Variants in ASH1L observed in about 807,000 individuals in gnomAD.
ASH1L encodes the protein ASH1 like histone lysine methyltransferase.
A neutral mutation model predicts 269.0 loss-of-function variants in ASH1L; 23 were observed. The observed-to-expected ratio is 0.09, with a 90% CI of 0.06 to 0.12. The LOEUF is 0.12. Ranked by LOEUF, ASH1L falls within the 10% of genes least tolerant of loss-of-function variation. The probability of loss-of-function intolerance (pLI) is 1.00; values close to 1 mark genes in which losing one functional copy is unlikely to be tolerated. For missense variants in ASH1L, 2,912 were observed against 3,567.8 expected (o/e 0.82, Z 4.68); for synonymous variants, 1,187 against 1,253.5 (o/e 0.95, Z 1.12).
rs1283401743 is a variant in ASH1L, at chr1:155,479,224, T to C, written c.3646A>G (p.Lys1216Glu). Residue 1216 changes from lysine (K) to glutamate (E), a missense_variant, in exon 3 of 28, where the codon AAA becomes GAA. Physicochemically the swap from Lys to Glu is moderately conservative, Grantham distance 56 (BLOSUM62 1). Around this residue, in one of 13 missense-constraint regions of ASH1L, gnomAD observed 789 missense variants for 897.6 expected, o/e 0.88. Coordinates refer to ENST00000392403, the MANE Select transcript of ASH1L (RefSeq NM_018489.3). ...DNNSTSDRAE[K>E]FCGQKKRRHS... ...CTCCTCTTTTTTTGCCCACAAAATT[T>C]CTCTGCCCTGTCTGATGTGCTGTTA... 6.2e-7 allele frequency: 1 copy of C among 1,614,132 alleles called. No homozygotes were observed. The highest frequency in any genetic ancestry group is 8.5e-7 in the Non-Finnish European group (1 of 1,180,012).
intron 1 of ASH1L, among the ~76,000 whole-genome samples, chr1:155,547,467 G>A (rs1411326030): frequency 6.6e-6 from 1 of 151,772 alleles, no homozygotes; most frequent in Non-Finnish European, 1.5e-5. Flanking sequence ...AGATCGGCTC[G>A]GTGAGGTGCA....
At chr1:155,477,830 T>G in intron 3 of ASH1L, 56 bp downstream of exon 3, 1 of 1,489,760 alleles carries the variant, frequency 6.7e-7, no homozygotes, top group Non-Finnish European at 8.9e-7. Flanking sequence ...ATCAGGCACC[T>G]GTGGAAAATA....
chr1:155,528,547 G>A (rs1173786278), intron 1 of ASH1L, among the ~76,000 whole-genome samples: 1 of 152,024 alleles, frequency 6.6e-6, no homozygotes, highest in Admixed American at 6.6e-5. Context: ...GAAGACCCAG[G>A]AAGACCCAAT....
At chr1:155,485,937 A>G (rs1290955913) in intron 2 of ASH1L, among the ~76,000 whole-genome samples, 1 of 151,952 alleles carries the variant, frequency 6.6e-6, no homozygotes, top group African/African-American at 2.4e-5. Context: ...TAAATTTCCC[A>G]TAATGAAATG....
At chr1:155,444,911 C>A (rs1186583762) in intron 4 of ASH1L, among the ~76,000 whole-genome samples, 2 of 137,874 alleles carry the variant, frequency 1.5e-5, no homozygotes, top group Non-Finnish European at 2.9e-5. Context: ...GCCACCGCGC[C>A]CGGCCAAGTC....
chr1:155,406,743 G>A (rs1212977241), intron 6 of ASH1L, among the ~76,000 whole-genome samples: 1 of 152,038 alleles, frequency 6.6e-6, no homozygotes, highest in African/African-American at 2.4e-5. Flanking sequence ...TCAACACAGT[G>A]TTTGAACAGT....
intron 5 of ASH1L, chr1:155,433,721 C>T (rs772439895): frequency 1.2e-6 from 2 of 1,601,138 alleles, no homozygotes; most frequent in South Asian, 1.1e-5. Context: ...GGTGTTCAGC[C>T]AAACGACCAT....
At chr1:155,365,538 A>G (rs1655341220) in intron 12 of ASH1L, among the ~76,000 whole-genome samples, 1 of 152,066 alleles carries the variant, frequency 6.6e-6, no homozygotes, top group Non-Finnish European at 1.5e-5. Context: ...ACAGTTCTTA[A>G]CAATTGAGTA....
chr1:155,354,145 T>A (rs1266681825), intron 16 of ASH1L, among the ~76,000 whole-genome samples: 2 of 152,170 alleles, frequency 1.3e-5, no homozygotes, highest in Non-Finnish European at 2.9e-5. Flanking sequence ...TAATAGAAAT[T>A]CGGCTGAGTG....
chr1:155,529,167 T>A (rs1456279880), intron 1 of ASH1L, among the ~76,000 whole-genome samples: 1 of 152,198 alleles, frequency 6.6e-6, no homozygotes. Context: ...AAGATACGCA[T>A]GCATCTGTCT....
chr1:155,338,302 C>T lies in ASH1L; in HGVS notation c.8590G>A (p.Ala2864Thr), dbSNP rs201154622. Reference protein sequence around the residue: ...DALPLIEEVLASQEQAANEIP... With the variant: ...DALPLIEEVLTSQEQAANEIP... ...TCATTGGCTGCTTGCTCTTGACTGG[C>T]TAGAACCTCTTCAATCAAGGGTAGA... is the stretch of plus-strand genomic sequence containing the variant. Residue 2864 changes from alanine to threonine, a missense_variant, in exon 27 of 28, where the codon GCC becomes ACC. By Grantham distance (58) the Ala-to-Thr change is moderately conservative. Coordinates refer to ENST00000392403, the MANE Select transcript of ASH1L (RefSeq NM_018489.3). 6.2e-7 allele frequency: 1 copy of T among 1,614,030 alleles called. No individual in the cohort carries two copies. Among genetic ancestry groups the T allele is most frequent in the Non-Finnish European group, 8.5e-7 (1 of 1,180,014 alleles).
At chr1:155,420,721 G>A (rs1660605394) in intron 5 of ASH1L, among the ~76,000 whole-genome samples, 1 of 151,460 alleles carries the variant, frequency 6.6e-6, no homozygotes, top group South Asian at 2.1e-4. Flanking sequence ...ATGGTGCCAG[G>A]CACCTGTAAC....
At chr1:155,439,892 T>C (rs1169626753) in intron 4 of ASH1L, among the ~76,000 whole-genome samples, 1 of 151,728 alleles carries the variant, frequency 6.6e-6, no homozygotes, top group East Asian at 1.9e-4. Context: ...GACTGTGGAA[T>C]TTTTCTCAAA....
Position 155,481,573 on chromosome 1 carries a change from G to C in ASH1L, c.1297C>G (p.Gln433Glu). ...NLKAEALLPT[Q>E]EPLKASCSTN... ...CTACAAGAAGCCTTAAGCGGTTCCT[G>C]AGTGGGGAGCAGTGCTTCGGCTTTA... is the stretch of plus-strand genomic sequence containing the variant. Residue 433 changes from glutamine to glutamate, a missense_variant, in exon 3 of 28, where the codon CAG becomes GAG. Gln to Glu is a conservative substitution (Grantham distance 29). Around this residue, in one of 13 missense-constraint regions of ASH1L, gnomAD observed 715 missense variants for 721.0 expected, o/e 0.99. Transcript: ENST00000392403. 1.2e-6 allele frequency: 2 copies of C among 1,614,152 alleles called. No homozygotes were observed. The highest frequency in any genetic ancestry group is 1.7e-6 in the Non-Finnish European group (2 of 1,180,008).
At chr1:155,489,794 CAAAATAAA>C (rs1262889596) in intron 2 of ASH1L, among the ~76,000 whole-genome samples, 4 of 42,696 alleles carry the variant, frequency 9.4e-5, no homozygotes, top group African/African-American at 2.4e-4. Flanking sequence ...GACACTGTCT[CAAAATAAA>C]TAAATAAATA....
chr1:155,562,446 A>C lies in ASH1L; in HGVS notation c.-393T>G. ...CGGGAGCGGCGGCGGCGGCGGCGGC[A>C]GCAGCAGAGTGGCGGCGGTGGCGGC... On this transcript the variant is annotated 5_prime_UTR_variant, in exon 1 of 28. Coordinates refer to ENST00000392403, the MANE Select transcript of ASH1L (RefSeq NM_018489.3). 1 of 1,458,902 alleles carries C rather than the reference A, an allele frequency of 6.9e-7. No homozygotes were observed. Among genetic ancestry groups the C allele is most frequent in the Non-Finnish European group, 9.3e-7 (1 of 1,075,388 alleles). 90.4% of individuals were successfully genotyped at this position (1,458,902 alleles called of 1,614,324 possible). A position where few individuals can be genotyped will look rare whatever the true frequency, so the allele number is the denominator to read the frequency against.
In ASH1L at chr1:155,411,606, T is replaced by A. The variant is rs1196755008; in HGVS notation, c.6008+4138A>T. Among the ~76,000 whole-genome samples the A allele has an allele frequency of 5.4e-4, 59 of 109,792 alleles. 5 individuals carry two copies. Among genetic ancestry groups the A allele is most frequent in the Non-Finnish European group, 9.3e-4 (49 of 52,878 alleles). 72.0% of individuals were successfully genotyped at this position (109,792 alleles called of 152,430 possible). ...AAATAAATATATATATATATATATATATATATATATATGTTTTCATCCATG... is the reference window on the plus strand; with the variant it reads ...AAATAAATATATATATATATATATAAATATATATATATGTTTTCATCCATG... On this transcript the variant is annotated intron_variant, in intron 6 of 27. Coordinates refer to ENST00000392403, the MANE Select transcript of ASH1L (RefSeq NM_018489.3).
intron 6 of ASH1L, among the ~76,000 whole-genome samples, chr1:155,411,998 T>C (rs759170650): frequency 1.1e-4 from 16 of 151,842 alleles, no homozygotes; most frequent in Non-Finnish European, 2.2e-4. Context: ...TCCCAGCACT[T>C]TGGGAGGCTG....
At chr1:155,490,971 A>G (rs989762569) in intron 2 of ASH1L, among the ~76,000 whole-genome samples, 1 of 1,546 alleles carries the variant, frequency 6.5e-4, no homozygotes, top group Non-Finnish European at 4.1e-3. Context: ...CTGATTCCAA[A>G]AAAAAAAAAA....
Sources: gnomAD v4.1 joint callset for allele counts (sites outside exome capture counted in the v4.1 genomes callset) on GRCh38, gnomAD v4.1.1 for gene constraint, gnomAD v4.1.1 regional missense constraint, MANE v1.5 for transcripts, NCBI Gene and HGNC (gene_info 2026-07-23, HGNC 2026-07-21) for gene names.